The following MAGI2 variants were observed in gnomAD, a reference collection of about 807,000 sequenced individuals.
MAGI2 encodes the protein membrane-associated guanylate kinase, WW and PDZ domain-containing protein 2.
MAGI2 carries 35 observed loss-of-function variants against 133.3 expected under a neutral mutation model. The observed-to-expected ratio is 0.26, with a 90% CI of 0.20 to 0.35. MAGI2 has a LOEUF of 0.35. MAGI2 is among the 10% of genes least tolerant of loss of function. The probability of loss-of-function intolerance (pLI) is 1.00; values close to 1 mark genes in which losing one functional copy is unlikely to be tolerated. For synonymous variants in MAGI2, 729 were observed against 710.6 expected, an observed-to-expected ratio of 1.03 and a Z score of -0.41; for missense variants, 1,636 against 1,863.4, an observed-to-expected ratio of 0.88 and a Z score of 2.25.
chr7:79,159,473 A>G (rs1824142777), intron 1 of MAGI2, among the ~76,000 whole-genome samples: 1 of 150,592 alleles, frequency 6.6e-6, no homozygotes, highest in Non-Finnish European at 1.5e-5. Context: ...AGCTGAGATC[A>G]CATCACTGTG....
At chr7:79,353,455 C>T in intron 1 of MAGI2, 1 of 456,152 alleles carries the variant, frequency 2.2e-6, no homozygotes, top group African/African-American at 2.0e-5. Flanking sequence ...TTTGGAACCC[C>T]AGGACAATCC....
intron 2 of MAGI2, among the ~76,000 whole-genome samples, chr7:78,695,085 C>T (rs1361240212): frequency 1.3e-5 from 2 of 151,964 alleles, no homozygotes; most frequent in African/African-American, 4.8e-5. Flanking sequence ...ATTAGCTGGG[C>T]GTGGTGGCGG....
In MAGI2 at chr7:79,152,264, T is replaced by C. The variant is rs113261961; in HGVS notation, c.302-145058A>G. 4.6e-5 allele frequency among the ~76,000 whole-genome samples: 7 copies of C among 152,326 alleles called. 1 individual carries two copies. The highest frequency in any genetic ancestry group is 1.7e-4 in the African/African-American group (7 of 41,574). On this transcript the variant is annotated intron_variant, in intron 1 of 21. Transcript: ENST00000354212. The stretch of plus-strand genomic sequence containing the variant: ...TCGAAACTGAATTTGAAAAGCAGAA[T>C]TATATTTTTTCATTGACTAAAAACA...
intron 1 of MAGI2, among the ~76,000 whole-genome samples, chr7:79,186,759 A>ATATTTATACAAAAG (rs1827195930): frequency 1.1e-4 from 10 of 89,634 alleles, no homozygotes; most frequent in East Asian, 6.4e-4. Flanking sequence ...AAGTATATAT[A>ATATTTATACAAAAG]TATATATATA....
chr7:79,300,337 GA>G (rs1203933874), intron 1 of MAGI2, among the ~76,000 whole-genome samples: 1 of 152,194 alleles, frequency 6.6e-6, no homozygotes, highest in African/African-American at 2.4e-5. Context: ...ATTGAAATGA[GA>G]AATCTTATTG....
intron 2 of MAGI2, among the ~76,000 whole-genome samples, chr7:78,858,691 A>G (rs940596522): frequency 6.6e-6 from 1 of 152,230 alleles, no homozygotes; most frequent in Non-Finnish European, 1.5e-5. Context: ...CAATTTTGGA[A>G]TAAGTGTTAT....
At chr7:78,991,088 C>T (rs113783102) in intron 2 of MAGI2, among the ~76,000 whole-genome samples, 21 of 151,900 alleles carry the variant, frequency 1.4e-4, no homozygotes, top group East Asian at 5.9e-4. Context: ...GGAGCTCTCA[C>T]GAGATCTGAT....
intron 21 of MAGI2, among the ~76,000 whole-genome samples, chr7:78,033,472 CAAAAAAAAAA>C (rs199985014): frequency 1.5e-5 from 2 of 132,360 alleles, no homozygotes; most frequent in Non-Finnish European, 3.2e-5. Context: ...GAGCTTGTCT[CAAAAAAAAAA>C]AAAAAAAAAA....
chr7:78,384,923 T>A (rs1277286551), intron 6 of MAGI2, among the ~76,000 whole-genome samples: 1 of 152,174 alleles, frequency 6.6e-6, no homozygotes, highest in Non-Finnish European at 1.5e-5. Flanking sequence ...GCAAAGTCTA[T>A]GATGCTGCTG....
intron 1 of MAGI2, among the ~76,000 whole-genome samples, chr7:79,444,114 C>A (rs1055254400): frequency 1.3e-5 from 2 of 152,138 alleles, no homozygotes; most frequent in African/African-American, 4.8e-5. Context: ...AATTCAACAA[C>A]GCTTCATGCT....
chr7:78,428,335 A>G (rs1363856526), intron 6 of MAGI2, among the ~76,000 whole-genome samples: 3 of 152,186 alleles, frequency 2.0e-5, no homozygotes, highest in Admixed American at 2.0e-4. Context: ...AAAAGGAATA[A>G]ATGCAGATAA....
rs138110129 is a variant in MAGI2, at chr7:78,872,447, G to T, written c.418+134643C>A. ...TGTGAAAGATACTAGAATTGCATTT[G>T]CTCAATTCAACATACATTCTTTGAA... is the stretch of plus-strand genomic sequence containing the variant. On this transcript the variant is annotated intron_variant, in intron 2 of 21. Transcript: ENST00000354212. 3.1e-3 allele frequency among the ~76,000 whole-genome samples: 478 copies of T among 152,122 alleles called. 4 individuals are homozygous for T. Among genetic ancestry groups the T allele is most frequent in the African/African-American group, 0.011 (453 of 41,522 alleles).
At chr7:78,206,179 A>G (rs1456050005) in intron 10 of MAGI2, among the ~76,000 whole-genome samples, 1 of 152,218 alleles carries the variant, frequency 6.6e-6, no homozygotes, top group African/African-American at 2.4e-5. Flanking sequence ...GAACTTTCTT[A>G]AAATCACCCC....
At chr7:78,094,700 T>C (rs1817544064) in intron 20 of MAGI2, among the ~76,000 whole-genome samples, 1 of 152,194 alleles carries the variant, frequency 6.6e-6, no homozygotes, top group Admixed American at 6.5e-5. Flanking sequence ...TGAGAGACAA[T>C]GTGCAATTGA....
At chr7:78,906,060 A>G (rs1020407804) in intron 2 of MAGI2, among the ~76,000 whole-genome samples, 1 of 152,228 alleles carries the variant, frequency 6.6e-6, no homozygotes, top group Non-Finnish European at 1.5e-5. Flanking sequence ...AAGCAAGGAC[A>G]TGAAAAAGAA....
At chr7:79,383,135 A>C (rs1025909323) in intron 1 of MAGI2, among the ~76,000 whole-genome samples, 1 of 151,640 alleles carries the variant, frequency 6.6e-6, no homozygotes, top group Non-Finnish European at 1.5e-5. Context: ...GTCTAGGACC[A>C]TTGGTGGCTT....
At chr7:78,811,999 G>C (rs1789106919) in intron 2 of MAGI2, among the ~76,000 whole-genome samples, 1 of 152,162 alleles carries the variant, frequency 6.6e-6, no homozygotes, top group African/African-American at 2.4e-5. Context: ...TGGTCAGAGG[G>C]AGATGGGAGA....
intron 2 of MAGI2, among the ~76,000 whole-genome samples, chr7:78,998,469 G>T (rs1171643503): frequency 6.6e-6 from 1 of 152,078 alleles, no homozygotes; most frequent in African/African-American, 2.4e-5. Context: ...CCTATAATGA[G>T]TTAGTGGCAG....
At chr7:78,058,299 C>T (rs10224805) in intron 21 of MAGI2, among the ~76,000 whole-genome samples, 78,513 of 151,422 alleles carry the variant, frequency 0.52, 21,035 homozygotes, top group African/African-American at 0.66. Context: ...AGCCTGGAGC[C>T]GGCAATGAGG....
Sources: allele counts gnomAD v4.1 joint callset (sites outside exome capture counted in the v4.1 genomes callset), GRCh38; gene constraint gnomAD v4.1.1; transcripts MANE v1.5; gene names NCBI Gene and HGNC (gene_info 2026-07-23, HGNC 2026-07-21).